NAV1: variants seen among roughly 807,000 people sequenced by gnomAD.
NAV1 encodes the protein neuron navigator 1, also known as pore membrane and/or filament interacting like protein 3.
In NAV1, 18 loss-of-function variants were observed where a neutral mutation model predicts 175.2. The observed-to-expected ratio is 0.10, with a 90% CI of 0.07 to 0.15. The LOEUF is 0.15. Among genes scored for constraint, NAV1 ranks in the 10% least tolerant of loss-of-function variants. The probability of loss-of-function intolerance (pLI) is 1.00; values close to 1 mark genes in which losing one functional copy is unlikely to be tolerated. For missense variants in NAV1, 1,731 were observed against 2,436.6 expected, an observed-to-expected ratio of 0.71 and a Z score of 6.10; for synonymous variants, 897 against 978.7, an observed-to-expected ratio of 0.92 and a Z score of 1.56.
intron 3 of NAV1, among the ~76,000 whole-genome samples, chr1:201,770,319 A>C (rs1214278625): frequency 6.6e-6 from 1 of 152,144 alleles, no homozygotes; most frequent in Non-Finnish European, 1.5e-5. Context: ...AGATGGATGC[A>C]TCAGAGTGTT....
At chr1:201,688,593 T>C (rs1185330825) in intron 1 of NAV1, among the ~76,000 whole-genome samples, 1 of 152,194 alleles carries the variant, frequency 6.6e-6, no homozygotes, top group Non-Finnish European at 1.5e-5. Context: ...TTTTGCGGGC[T>C]TTTCATTCAA....
chr1:201,716,084 G>A (rs1028522050), intron 2 of NAV1, among the ~76,000 whole-genome samples: 4 of 152,172 alleles, frequency 2.6e-5, no homozygotes, highest in African/African-American at 9.7e-5. Context: ...ACAGGGGCAG[G>A]CCAGGAATAG....
At position 201,739,639 on chromosome 1, in the gene NAV1, C is replaced by A. The variant is rs568952912; in HGVS notation, c.1226+20884C>A. On this transcript the variant is annotated intron_variant, in intron 3 of 29. Coordinates refer to ENST00000367296, the Ensembl canonical transcript of NAV1. ...CAGCTGGCATCCCAGGGGTTAATTT[C>A]GGAGCAGCCCAGGTGGAGGTCGAGC... The A allele has an allele frequency of 1.1e-3, 308 of 290,862 alleles. 1 individual carries two copies. The highest frequency in any genetic ancestry group is 5.3e-3 in the Middle Eastern group (4 of 748). 18.0% of individuals were successfully genotyped at this position (290,862 alleles called of 1,614,324 possible).
rs545961547 is a variant in NAV1 at position 201,785,323 on chromosome 1, C to T, written c.2818C>T (p.Arg940Trp). The change falls in exon 8 of 30, where the codon CGG (arginine) becomes TGG (tryptophan). Residue 940 changes from arginine to tryptophan, a missense_variant. By Grantham distance (101) the Arg-to-Trp change is moderately radical. Around this residue, in one of 13 missense-constraint regions of NAV1, gnomAD observed 634 missense variants for 766.8 expected, o/e 0.83. Coordinates refer to ENST00000367296, the Ensembl canonical transcript of NAV1. ...TTATCTCCACAGTAATCAGCGGGAT[C>T]GGAACACTCTTCCCAAGAAAGGGCT... 6.2e-6 allele frequency: 10 copies of T among 1,607,026 alleles called. No individual in the cohort carries two copies. Among genetic ancestry groups the T allele is most frequent in the East Asian group, 2.2e-5 (1 of 44,724 alleles).
chr1:201,599,438 A>G (rs1354292836), intron 2 of NAV1, among the ~76,000 whole-genome samples: 4 of 152,156 alleles, frequency 2.6e-5, no homozygotes, highest in Non-Finnish European at 5.9e-5. Context: ...TTTTTCCCAG[A>G]TGCAATTCCA....
Position 201,541,558 on chromosome 1 carries a change from G to C in NAV1, c.-144+2216G>C, listed in dbSNP as rs190203213. ...TGCCCGTAAGAGGGGCGGATCACCT[G>C]AGGTCAGGAGTTCGAGACCAGCCTG... On this transcript the variant is annotated intron_variant, in intron 1 of 33. Coordinates refer to the NAV1 transcript ENST00000685211. Among the ~76,000 whole-genome samples, 1,136 of 152,340 alleles carry C rather than the reference G, an allele frequency of 7.5e-3. 15 individuals carry two copies. Among genetic ancestry groups the C allele is most frequent in the African/African-American group, 0.025 (1,053 of 41,570 alleles).
chr1:201,680,100 C>T (rs1670403326), intron 1 of NAV1, among the ~76,000 whole-genome samples: 1 of 152,200 alleles, frequency 6.6e-6, no homozygotes, highest in African/African-American at 2.4e-5. Context: ...AAGCAAGGCA[C>T]CAGCATCTGC....
chr1:201,741,257 C>T (rs1182511938), intron 3 of NAV1, among the ~76,000 whole-genome samples: 1 of 152,214 alleles, frequency 6.6e-6, no homozygotes, highest in East Asian at 1.9e-4. Context: ...CCAGGAGCCC[C>T]TTGGAAGCCA....
intron 2 of NAV1, among the ~76,000 whole-genome samples, chr1:201,641,265 C>T (rs1558030773): frequency 6.6e-6 from 1 of 152,232 alleles, no homozygotes; most frequent in Non-Finnish European, 1.5e-5. Flanking sequence ...CTGACCACTT[C>T]TCACTACCAC....
At chr1:201,602,680 C>T (rs1667558394) in intron 2 of NAV1, among the ~76,000 whole-genome samples, 1 of 140,308 alleles carries the variant, frequency 7.1e-6, no homozygotes, top group South Asian at 2.2e-4. Flanking sequence ...TTTTTTTTAC[C>T]ATGAGCTCAT....
At chr1:201,568,303 A>G (rs1666424040) in intron 1 of NAV1, among the ~76,000 whole-genome samples, 1 of 151,104 alleles carries the variant, frequency 6.6e-6, no homozygotes, top group East Asian at 1.9e-4. Context: ...TGGGTTGCCA[A>G]TCCCAGAATC....
At chr1:201,738,643 G>A (rs1673219911) in intron 3 of NAV1, among the ~76,000 whole-genome samples, 1 of 152,104 alleles carries the variant, frequency 6.6e-6, no homozygotes, top group Admixed American at 6.5e-5. Context: ...GAGTTCAGGA[G>A]TGCAAACCTC....
At chr1:201,693,091 A>T (rs1432151823) in intron 1 of NAV1, among the ~76,000 whole-genome samples, 1 of 152,148 alleles carries the variant, frequency 6.6e-6, no homozygotes, top group African/African-American at 2.4e-5. Context: ...GAGTGGGTGG[A>T]GGAGGTGCCA....
chr1:201,825,072 C>A (rs1430719949), exon 30 of NAV1: 1 of 152,126 alleles, frequency 6.6e-6, no homozygotes, highest in African/African-American at 2.4e-5. Flanking sequence ...TCTCATGCTT[C>A]CTTGTGTTTC....
chr1:201,581,000 G>A (rs1289456351), intron 1 of NAV1, among the ~76,000 whole-genome samples: 1 of 152,182 alleles, frequency 6.6e-6, no homozygotes, highest in East Asian at 1.9e-4. Context: ...AACAGGAGGG[G>A]CAGAGTACTC....
At chr1:201,589,911 G>T (rs1027168856) in intron 2 of NAV1, among the ~76,000 whole-genome samples, 1 of 152,070 alleles carries the variant, frequency 6.6e-6, no homozygotes, top group Non-Finnish European at 1.5e-5. Context: ...TTTTGTTTTT[G>T]AGATGGATTC....
chr1:201,788,564 G>A lies in NAV1; in HGVS notation c.3092G>A (p.Gly1031Glu). 2 of 1,614,128 alleles carry A rather than the reference G, an allele frequency of 1.2e-6. No individual in the cohort carries two copies. Among genetic ancestry groups the A allele is most frequent in the Non-Finnish European group, 1.7e-6 (2 of 1,180,008 alleles). ...GAGCTGTACAGCGGCTCCCAAATGG[G>A]GAGCACCCTGTCCCTGGCCGAGAGA... Residue 1031 changes from glycine to glutamate, a missense_variant, in exon 10 of 30, where the codon GGG (glycine) becomes GAG (glutamate). By Grantham distance (98) the Gly-to-Glu change is moderately conservative (BLOSUM62 -2). Around this residue, in one of 13 missense-constraint regions of NAV1, gnomAD observed 634 missense variants for 766.8 expected, o/e 0.83. Transcript: ENST00000367296. This position sits in a 1 kb window ranked among gnomAD's most constrained non-coding sequence, Gnocchi z 5.7.
intron 3 of NAV1, among the ~76,000 whole-genome samples, chr1:201,747,249 T>C (rs1321595810): frequency 1.3e-5 from 2 of 152,220 alleles, no homozygotes; most frequent in Non-Finnish European, 2.9e-5. Context: ...CACACGGTCC[T>C]GCCTGTGTGC....
chr1:201,741,730 C>A (rs566038819), intron 3 of NAV1, among the ~76,000 whole-genome samples: 3 of 152,218 alleles, frequency 2.0e-5, no homozygotes, highest in African/African-American at 7.2e-5. Context: ...ATCACTCTTT[C>A]CTTCCTACTC....
Sources: gnomAD v4.1 joint callset for allele counts (sites outside exome capture counted in the v4.1 genomes callset) on GRCh38, gnomAD v4.1.1 for gene constraint, gnomAD v4.1.1 regional missense constraint, Gnocchi (gnomAD v3.1) non-coding constraint, MANE v1.5 for transcripts, NCBI Gene and HGNC (gene_info 2026-07-23, HGNC 2026-07-21) for gene names.